CDH6: variants seen among roughly 807,000 people sequenced by gnomAD.
CDH6 encodes cadherin 6, also known as cadherin-6.
A neutral mutation model predicts 78.0 loss-of-function variants in CDH6; 31 were observed. The ratio of observed to expected loss-of-function variants is 0.40; its 90% confidence interval spans 0.30 to 0.54. The LOEUF is 0.54. Ranked by LOEUF, CDH6 falls within the 20% of genes least tolerant of loss-of-function variation. The probability of loss-of-function intolerance (pLI) is 0.56; values close to 1 mark genes in which losing one functional copy is unlikely to be tolerated. For missense variants in CDH6, 724 were observed against 975.9 expected (o/e 0.74, Z 3.44); for synonymous variants, 376 against 368.8 (o/e 1.02, Z -0.23).
At chr5:31,226,630 T>A (rs1741158790) in intron 1 of CDH6, among the ~76,000 whole-genome samples, 1 of 152,170 alleles carries the variant, frequency 6.6e-6, no homozygotes, top group African/African-American at 2.4e-5. Context: ...AGTGCAGTTC[T>A]CCTACTTCTT....
At chr5:31,208,135 A>T (rs1740588292) in intron 1 of CDH6, among the ~76,000 whole-genome samples, 1 of 152,248 alleles carries the variant, frequency 6.6e-6, no homozygotes, top group South Asian at 2.1e-4. Flanking sequence ...TCTTTGACAC[A>T]TATAGAATAT....
At chr5:31,285,077 G>A (rs1482281721) in intron 2 of CDH6, among the ~76,000 whole-genome samples, 1 of 152,170 alleles carries the variant, frequency 6.6e-6, no homozygotes, top group African/African-American at 2.4e-5. Context: ...TAGAGCTTGA[G>A]GGAAAAGCTA....
At position 31,305,244 on chromosome 5, in the gene CDH6, G is replaced by A. The variant is rs773989887; in HGVS notation, c.1070G>A (p.Arg357Gln). ...VEASNPYVEPRFLYLGPFKDS... is the reference protein window; with the variant it reads ...VEASNPYVEPQFLYLGPFKDS... ...GCCTCCAATCCTTATGTTGAGCCAC[G>A]ATTTCTCTACTTGGGGCCTTTCAAA... Residue 357 changes from arginine (R) to glutamine (Q), a missense_variant, in exon 7 of 12, where the codon CGA (arginine) becomes CAA (glutamine). By Grantham distance (43) the Arg-to-Gln change is conservative. Coordinates refer to ENST00000265071, the MANE Select transcript of CDH6 (RefSeq NM_004932.4). 1.1e-5 allele frequency: 17 copies of A among 1,613,882 alleles called. No homozygotes were observed. The highest frequency in any genetic ancestry group is 5.3e-5 in the African/African-American group (4 of 74,874).
At chr5:31,212,936 G>A (rs932023788) in intron 1 of CDH6, among the ~76,000 whole-genome samples, 6 of 152,190 alleles carry the variant, frequency 3.9e-5, no homozygotes, top group East Asian at 3.9e-4. Context: ...TATTTTTCCC[G>A]TAGTCATTTA....
chr5:31,323,775 T>C lies in CDH6; in HGVS notation c.*467T>C, dbSNP rs930724805. The stretch of plus-strand genomic sequence containing the variant: ...AAGAGATAAACTACATAGGGGTGTT[T>C]ATTTGTGTCACAAAGAATTTAAAAT... On this transcript the variant is annotated 3_prime_UTR_variant, in exon 12 of 12. Transcript: ENST00000265071. 4.3e-6 allele frequency: 1 copy of C among 232,386 alleles called. No homozygotes were observed. Among genetic ancestry groups the C allele is most frequent in the African/African-American group, 2.2e-5 (1 of 45,254 alleles). 14.4% of individuals were successfully genotyped at this position (232,386 alleles called of 1,614,324 possible). A position where few individuals can be genotyped will look rare whatever the true frequency, so the allele number is the denominator to read the frequency against.
At chr5:31,194,639 G>C (rs1292834765) in intron 1 of CDH6, among the ~76,000 whole-genome samples, 2 of 152,118 alleles carry the variant, frequency 1.3e-5, no homozygotes, top group Non-Finnish European at 2.9e-5. Flanking sequence ...GGCGCAGTTC[G>C]CTCGTGCTCC....
chr5:31,246,125 T>G (rs939873821), intron 1 of CDH6, among the ~76,000 whole-genome samples: 1 of 151,854 alleles, frequency 6.6e-6, no homozygotes, highest in African/African-American at 2.4e-5. Flanking sequence ...TTGGCCAGGA[T>G]TGTCTCCATC....
At chr5:31,302,954 A>AGAAAGAAAGAAAGAAG (rs1491181731) in intron 6 of CDH6, among the ~76,000 whole-genome samples, 90 of 129,742 alleles carry the variant, frequency 6.9e-4, no homozygotes, top group African/African-American at 2.2e-3. Flanking sequence ...AAAGAAAGAA[A>AGAAAGAAAGAAAGAAG]GAAGGAAAGA....
At chr5:31,233,918 G>A (rs1377346834) in intron 1 of CDH6, among the ~76,000 whole-genome samples, 5 of 152,124 alleles carry the variant, frequency 3.3e-5, no homozygotes, top group African/African-American at 2.4e-5. Flanking sequence ...CTACTAGAAC[G>A]TAAATTCCAT....
At chr5:31,227,910 C>T (rs1741204272) in intron 1 of CDH6, among the ~76,000 whole-genome samples, 1 of 152,206 alleles carries the variant, frequency 6.6e-6, no homozygotes, top group Non-Finnish European at 1.5e-5. Context: ...CCACAAAACA[C>T]ATTACCACAA....
chr5:31,302,956 AAGGAAAGAAAAGAAAG>A (rs1737864899), intron 6 of CDH6, among the ~76,000 whole-genome samples: 1 of 124,682 alleles, frequency 8.0e-6, no homozygotes, highest in African/African-American at 2.7e-5. Flanking sequence ...AGAAAGAAAG[AAGGAAAGAAAAGAAAG>A]AAAGAAAGAA....
At chr5:31,293,366 C>CATAA (rs1561061382) in intron 2 of CDH6, among the ~76,000 whole-genome samples, 1 of 151,612 alleles carries the variant, frequency 6.6e-6, no homozygotes, top group Non-Finnish European at 1.5e-5. Flanking sequence ...AGTTGAATTT[C>CATAA]ATAAATAAAT....
At chr5:31,200,247 T>C (rs1369862266) in intron 1 of CDH6, among the ~76,000 whole-genome samples, 1 of 152,142 alleles carries the variant, frequency 6.6e-6, no homozygotes, top group African/African-American at 2.4e-5. Context: ...TATCTTATCC[T>C]GCCTTCAGAG....
intron 2 of CDH6, among the ~76,000 whole-genome samples, chr5:31,275,931 T>C (rs1031499236): frequency 6.6e-6 from 1 of 152,162 alleles, no homozygotes; most frequent in Non-Finnish European, 1.5e-5. Context: ...TTACCAAAAA[T>C]AAACAGACAT....
At chr5:31,209,465 A>G (rs1016020384) in intron 1 of CDH6, among the ~76,000 whole-genome samples, 5 of 152,208 alleles carry the variant, frequency 3.3e-5, no homozygotes, top group African/African-American at 1.2e-4. Flanking sequence ...GTAGAGAGTT[A>G]AAAAATTTTC....
chr5:31,317,021 G>A (rs1394618573), intron 9 of CDH6, among the ~76,000 whole-genome samples: 1 of 152,166 alleles, frequency 6.6e-6, no homozygotes, highest in African/African-American at 2.4e-5. Context: ...CATCACTCAA[G>A]GCTAAATGTT....
At chr5:31,236,683 C>G (rs1022237285) in intron 1 of CDH6, among the ~76,000 whole-genome samples, 1 of 152,172 alleles carries the variant, frequency 6.6e-6, no homozygotes, top group South Asian at 2.1e-4. Context: ...ATTCCCCGCC[C>G]CCCATCTCCC....
intron 1 of CDH6, among the ~76,000 whole-genome samples, chr5:31,256,858 G>C (rs1166225579): frequency 6.6e-6 from 1 of 152,072 alleles, no homozygotes; most frequent in Non-Finnish European, 1.5e-5. Context: ...TCTATCCCTG[G>C]GTATGAGCAC....
At chr5:31,219,468 T>C (rs1416843963) in intron 1 of CDH6, among the ~76,000 whole-genome samples, 1 of 152,108 alleles carries the variant, frequency 6.6e-6, no homozygotes, top group Non-Finnish European at 1.5e-5. Flanking sequence ...TCCTACTCTC[T>C]GAAACTCCCT....
Sources: allele counts gnomAD v4.1 joint callset (sites outside exome capture counted in the v4.1 genomes callset), GRCh38; gene constraint gnomAD v4.1.1; transcripts MANE v1.5; gene names NCBI Gene and HGNC (gene_info 2026-07-23, HGNC 2026-07-21).